Variants in ANXA11 observed in about 807,000 individuals in gnomAD.
ANXA11 encodes 56 kDa autoantigen.
ANXA11 carries 57 observed loss-of-function variants against 64.7 expected under a neutral mutation model. The observed-to-expected ratio is 0.88, with a 90% CI of 0.71 to 1.10. The LOEUF (loss-of-function observed/expected upper bound fraction) is 1.10. Ranked by LOEUF, ANXA11 falls within the 50% of genes least tolerant of loss-of-function variation. The pLI is 0.00. For synonymous variants in ANXA11, 260 were observed against 265.2 expected, an observed-to-expected ratio of 0.98 and a Z score of 0.19; for missense variants, 675 against 670.7, an observed-to-expected ratio of 1.01 and a Z score of -0.07.
Position 80,155,647 on chromosome 10 carries a change from G to A in ANXA11, c.*206C>T. On this transcript the variant is annotated 3_prime_UTR_variant, in exon 16 of 16. Coordinates refer to ENST00000422982, the MANE Select transcript of ANXA11 (RefSeq NM_145868.2). ...GCAGCAAGAGGCTGTGAGGGATGGG[G>A]TAGAAAAGGCATCCTGAGAGAGTTC... is the stretch of plus-strand genomic sequence containing the variant. 1.8e-6 allele frequency: 1 copy of A among 557,022 alleles called. No individual in the cohort carries two copies. Among genetic ancestry groups the A allele is most frequent in the Non-Finnish European group, 3.2e-6 (1 of 314,510 alleles). 34.5% of individuals were successfully genotyped at this position (557,022 alleles called of 1,614,324 possible).
intron 1 of ANXA11, among the ~76,000 whole-genome samples, chr10:80,190,400 C>T (rs12263829): frequency 0.14 from 21,761 of 150,686 alleles, 1,936 homozygotes; most frequent in African/African-American, 0.25. Context: ...AACTAGTTTG[C>T]TTTATTTCAC....
chr10:80,166,111 G>A lies in ANXA11; in HGVS notation c.831C>T (p.Asp277=), dbSNP rs1220898283. 3.1e-6 allele frequency: 5 copies of A among 1,608,948 alleles called. No homozygotes were observed. In the East Asian group the frequency reaches 1.1e-4, roughly 36 times the overall value. The change falls in exon 8 of 16, where the codon GAC becomes GAT. Residue 277 remains aspartate (D), a synonymous_variant. Transcript: ENST00000422982. ...LALMKTPVLF[D]IYEIKEAIKG... The stretch of plus-strand genomic sequence containing the variant: ...TGATGGCTTCCTTTATCTCATAAAT[G>A]TCAAAGAGGACTGGGGTCTTCATCA...
At chr10:80,202,064 C>G (rs574693662) in intron 1 of ANXA11, among the ~76,000 whole-genome samples, 47 of 152,216 alleles carry the variant, frequency 3.1e-4, no homozygotes, top group Non-Finnish European at 6.0e-4. Context: ...CTTCACAGCT[C>G]CTGGCAGTCA....
intron 8 of ANXA11, among the ~76,000 whole-genome samples, chr10:80,165,734 G>A (rs188722709): frequency 3.9e-5 from 6 of 152,300 alleles, no homozygotes; most frequent in East Asian, 1.9e-4. Context: ...CCTAAAGAAT[G>A]AGAACGATAC....
Position 80,169,134 on chromosome 10 carries a change from G to A in ANXA11, c.396C>T (p.Pro132=). Residue 132 remains proline, a synonymous_variant, in exon 5 of 16, where the codon CCC becomes CCT. Transcript: ENST00000422982. Reference sequence around the variant, plus strand: ...GGGGCTGCTGTCCGGGGGGTGGCATGGGCTGGCCCGGCACAGGGGCCCCTG... The same window carrying A: ...GGGGCTGCTGTCCGGGGGGTGGCATAGGCTGGCCCGGCACAGGGGCCCCTG... ...PYPGAPVPGQ[P]MPPPGQQPPG... 6.5e-7 allele frequency: 1 copy of A among 1,549,138 alleles called. No individual in the cohort carries two copies. The highest frequency in any genetic ancestry group is 8.7e-7 in the Non-Finnish European group (1 of 1,153,144).
rs752103000 is a variant in ANXA11 at position 80,169,080 on chromosome 10, C to A, written c.450G>T (p.Val150=). 2 of 1,535,578 alleles carry A rather than the reference C, an allele frequency of 1.3e-6. No homozygotes were observed. Among genetic ancestry groups the A allele is most frequent in the East Asian group, 2.3e-5 (1 of 44,302 alleles). The change falls in exon 5 of 16, where the codon GTG becomes GTT. Residue 150 remains valine, a synonymous_variant. Transcript: ENST00000422982. ...GCACTGGAGGCTGACCAGGGTAGGT[C>A]ACTGGTGGCTGCCCAGGGTAGGCCC... ...PPGAYPGQPP[V]TYPGQPPVPL... is the part of the protein sequence containing the mutation.
intron 12 of ANXA11, among the ~76,000 whole-genome samples, chr10:80,161,655 G>C (rs1301355941): frequency 6.6e-6 from 1 of 152,222 alleles, no homozygotes; most frequent in East Asian, 1.9e-4. Flanking sequence ...GAAAACACTG[G>C]ATTGGGTGCT....
intron 1 of ANXA11, among the ~76,000 whole-genome samples, chr10:80,178,897 C>A (rs1478730109): frequency 1.3e-5 from 2 of 152,138 alleles, no homozygotes; most frequent in Non-Finnish European, 2.9e-5. Flanking sequence ...ATACATACCC[C>A]CCAGTCCCCA....
chr10:80,163,628 C>A lies in ANXA11; in HGVS notation c.950-15G>T, dbSNP rs1013729550. The A allele has an allele frequency of 6.5e-7, 1 of 1,550,000 alleles. No homozygotes were observed. On this transcript the variant is annotated splice_polypyrimidine_tract_variant and intron_variant, in intron 9 of 15. Coordinates refer to ENST00000422982, the MANE Select transcript of ANXA11 (RefSeq NM_145868.2). ...CTTTTTGAATTCTGAAAGGGAGAAG[C>A]AAGGAAGGTCCATCCTGTAGCTCTC...
intron 15 of ANXA11, chr10:80,157,006 T>C (rs1845302246): frequency 2.0e-6 from 2 of 985,358 alleles, no homozygotes; most frequent in South Asian, 4.7e-5. Flanking sequence ...TTTGTCAGAC[T>C]GGCTCTGCCA....
At chr10:80,166,046 A>ATGCGCGCGTGCG (rs1564606438) in intron 8 of ANXA11, 38 bp downstream of exon 8, 2 of 305,166 alleles carry the variant, frequency 6.6e-6, no homozygotes, top group Non-Finnish European at 1.0e-5. Context: ...ACGCGCGCAC[A>ATGCGCGCGTGCG]CACACACACA....
intron 1 of ANXA11, among the ~76,000 whole-genome samples, chr10:80,193,811 CAAAAA>C (rs546354623): frequency 8.7e-6 from 1 of 114,506 alleles, no homozygotes. Flanking sequence ...GACTCTGTCT[CAAAAA>C]AAAAAAAAAA....
intron 1 of ANXA11, among the ~76,000 whole-genome samples, chr10:80,199,125 C>G (rs2819943): frequency 0.17 from 23,651 of 138,888 alleles, 2,009 homozygotes; most frequent in African/African-American, 0.23. Context: ...GAGACCAAGT[C>G]TTGATCTGTC....
intron 1 of ANXA11, among the ~76,000 whole-genome samples, chr10:80,201,424 T>A (rs923161250): frequency 3.3e-5 from 5 of 152,118 alleles, no homozygotes; most frequent in Admixed American, 6.5e-5. Context: ...TAGACAAATG[T>A]CTGTCTAGCC....
At chr10:80,169,846 T>C (rs1845904403) in intron 4 of ANXA11, among the ~76,000 whole-genome samples, 2 of 152,032 alleles carry the variant, frequency 1.3e-5, no homozygotes, top group African/African-American at 2.4e-5. Context: ...AGACTTCATT[T>C]CCCATCTCAC....
chr10:80,160,581 C>T (rs1015678401), intron 12 of ANXA11, among the ~76,000 whole-genome samples: 1 of 152,150 alleles, frequency 6.6e-6, no homozygotes, highest in African/African-American at 2.4e-5. Flanking sequence ...CTCACACTGG[C>T]CTCCAGGACC....
At chr10:80,172,721 T>G in intron 3 of ANXA11, 86 bp downstream of exon 3, 1 of 1,331,798 alleles carries the variant, frequency 7.5e-7, no homozygotes, top group Admixed American at 1.7e-5. Flanking sequence ...AGGAGGGGAG[T>G]GAGGAAACTA....
intron 1 of ANXA11, among the ~76,000 whole-genome samples, chr10:80,183,486 T>G (rs906686866): frequency 6.6e-6 from 1 of 152,228 alleles, no homozygotes; most frequent in Admixed American, 6.5e-5. Context: ...TTGGAAGGGA[T>G]CATGTTCTAA....
chr10:80,157,914 AG>A, intron 14 of ANXA11, 52 bp downstream of exon 14: 3 of 1,604,512 alleles, frequency 1.9e-6, no homozygotes, highest in Non-Finnish European at 2.6e-6. Context: ...CCTTGGTCCC[AG>A]GCACAGGCGA....
Sources: gnomAD v4.1 joint callset for allele counts (sites outside exome capture counted in the v4.1 genomes callset) on GRCh38, gnomAD v4.1.1 for gene constraint, MANE v1.5 for transcripts, NCBI Gene and HGNC (gene_info 2026-07-23, HGNC 2026-07-21) for gene names.